The following TRAF2 variants were observed in gnomAD, a reference collection of about 807,000 sequenced individuals.
The protein encoded by TRAF2 is TNF receptor-associated factor 2.
TRAF2 carries 6 observed loss-of-function variants against 55.6 expected under a neutral mutation model. The observed-to-expected ratio is 0.11, with a 90% CI of 0.06 to 0.21. The LOEUF (loss-of-function observed/expected upper bound fraction) is 0.21, where lower values mean the gene tolerates loss of function less well. TRAF2 is among the 10% of genes least tolerant of loss of function. The probability of loss-of-function intolerance (pLI) is 1.00; values close to 1 mark genes in which losing one functional copy is unlikely to be tolerated. For synonymous variants in TRAF2, 329 were observed against 276.3 expected, an observed-to-expected ratio of 1.19 and a Z score of -1.89; for missense variants, 561 against 684.5, an observed-to-expected ratio of 0.82 and a Z score of 2.01.
Position 136,925,844 on chromosome 9 carries a change from C to G in TRAF2, c.1449C>G (p.Ser483=). 1 of 1,614,260 alleles carries G rather than the reference C, an allele frequency of 6.2e-7. No individual in the cohort carries two copies. The change falls in exon 11 of 11, where the codon TCC becomes TCG. Residue 483 remains serine, a synonymous_variant. Coordinates refer to ENST00000247668, the MANE Select transcript of TRAF2 (RefSeq NM_021138.4). The part of the protein sequence containing the change: ...CPVSKMEAKN[S]YVRDDAIFIK... ...TCTCCAAGATGGAGGCAAAGAATTC[C>G]TACGTGCGGGACGATGCCATCTTCA...
intron 4 of TRAF2, among the ~76,000 whole-genome samples, chr9:136,903,229 G>C (rs1849862605): frequency 6.6e-6 from 1 of 152,210 alleles, no homozygotes; most frequent in South Asian, 2.1e-4. Flanking sequence ...GAGATTCCTG[G>C]CATAAGCCAC....
Position 136,899,020 on chromosome 9 carries a change from G to A in TRAF2, c.188+92G>A, listed in dbSNP as rs574213179. Reference sequence around the variant, plus strand: ...CAGCCTGGTAGCTCCCAGCAGAGCCGGGTCCAGCTTAGATGTGCTCCAGTT... The same window carrying A: ...CAGCCTGGTAGCTCCCAGCAGAGCCAGGTCCAGCTTAGATGTGCTCCAGTT... On this transcript the variant is annotated intron_variant, in intron 2 of 10. Transcript: ENST00000247668. 2.9e-5 allele frequency: 39 copies of A among 1,353,180 alleles called. No homozygotes were observed. The South Asian group carries it at 4.2e-4, about 15-fold the overall frequency. The allele number at this position is 1,353,180 out of a possible 1,614,324, so 83.8% of individuals were successfully genotyped here.
Position 136,899,777 on chromosome 9 carries a change from C to T in TRAF2, c.267+105C>T, listed in dbSNP as rs551738886. On this transcript the variant is annotated intron_variant, in intron 3 of 10. Coordinates refer to ENST00000247668, the MANE Select transcript of TRAF2 (RefSeq NM_021138.4). ...CAGTGGCTCACACCTGTAATCCCAG[C>T]ACTTTGGGAGGCCCAGGTAGGGGGA... The T allele has an allele frequency of 5.4e-6, 6 of 1,113,754 alleles. No individual in the cohort carries two copies. In the East Asian group the frequency reaches 1.8e-4, roughly 34 times the overall value. 69.0% of individuals were successfully genotyped at this position (1,113,754 alleles called of 1,614,324 possible).
upstream of TRAF2, among the ~76,000 whole-genome samples, chr9:136,882,962 G>C (rs565471509): frequency 2.0e-5 from 3 of 152,222 alleles, no homozygotes; most frequent in East Asian, 5.8e-4. Flanking sequence ...CCTCCGCCTC[G>C]CAGGTTCAAG....
intron 10 of TRAF2, 119 bp downstream of exon 10, chr9:136,924,119 C>T (rs1850464479): frequency 8.0e-7 from 1 of 1,257,366 alleles, no homozygotes; most frequent in Non-Finnish European, 1.1e-6. Context: ...GACCAGGTGT[C>T]TGCAGCAGGC....
At position 136,921,161 on chromosome 9, in the gene TRAF2, G is replaced by A. The variant is rs374009362; in HGVS notation, c.1084G>A (p.Ala362Thr). The stretch of plus-strand genomic sequence containing the variant: ...CTTCATCTGGAAGATCTCAGACTTC[G>A]CCAGGAAGCGCCAGGAAGCTGTGGC... ...GVFIWKISDFARKRQEAVAGR... is the reference protein window; with the variant it reads ...GVFIWKISDFTRKRQEAVAGR... The change falls in exon 9 of 11, where the codon GCC (alanine) becomes ACC (threonine). Residue 362 changes from alanine to threonine, a missense_variant. Transcript: ENST00000247668. 53 of 1,613,928 alleles carry A rather than the reference G, an allele frequency of 3.3e-5. No homozygotes were observed. Among genetic ancestry groups the A allele is most frequent in the Middle Eastern group, 1.6e-4 (1 of 6,062 alleles).
chr9:136,907,602 A>C (rs2131305871), intron 4 of TRAF2, among the ~76,000 whole-genome samples: 1 of 151,618 alleles, frequency 6.6e-6, no homozygotes, highest in East Asian at 1.9e-4. Flanking sequence ...CGTGTTCCCT[A>C]CCTCTTCACA....
chr9:136,915,521 C>A (rs1351992375), intron 6 of TRAF2, among the ~76,000 whole-genome samples: 1 of 152,022 alleles, frequency 6.6e-6, no homozygotes, highest in Non-Finnish European at 1.5e-5. Flanking sequence ...ATTGACACAG[C>A]GTTCACGTTG....
upstream of TRAF2, among the ~76,000 whole-genome samples, chr9:136,885,673 C>A (rs1389241166): frequency 6.6e-6 from 1 of 152,048 alleles, no homozygotes; most frequent in Non-Finnish European, 1.5e-5. Context: ...GAGGCTGAGG[C>A]AGGAGAATCG....
At chr9:136,920,137 C>T (rs1417210281) in intron 7 of TRAF2, 97 bp from the exon 8 acceptor site, 1 of 1,427,398 alleles carries the variant, frequency 7.0e-7, no homozygotes, top group African/African-American at 1.4e-5. Flanking sequence ...CCTGGCCTGT[C>T]TCCTCAGCTC....
intron 7 of TRAF2, among the ~76,000 whole-genome samples, chr9:136,918,920 A>T (rs1198500445): frequency 6.6e-6 from 1 of 151,714 alleles, no homozygotes; most frequent in Non-Finnish European, 1.5e-5. Flanking sequence ...TTTTTAGTAG[A>T]GATAGGGTTT....
In TRAF2 at chr9:136,912,152, C is replaced by CTTTTTTTTTT. The variant is rs1180324647; in HGVS notation, c.603+2176_603+2185dup. ...CAGGCGTGAGCCACTGCGTCTGGCC[C>CTTTTTTTTTT]TTTTTTTTTTTTTTTTTTTTTTTTT... On this transcript the variant is annotated intron_variant, in intron 6 of 10. Coordinates refer to ENST00000247668, the MANE Select transcript of TRAF2 (RefSeq NM_021138.4). Among the ~76,000 whole-genome samples the CTTTTTTTTTT allele has an allele frequency of 2.4e-4, 14 of 58,332 alleles. 1 individual carries two copies. Among genetic ancestry groups the CTTTTTTTTTT allele is most frequent in the African/African-American group, 1.1e-3 (14 of 13,192 alleles). The allele number at this position is 58,332 out of a possible 152,430, so 38.3% of individuals were successfully genotyped here.
chr9:136,905,097 T>TG (rs1849915210), intron 4 of TRAF2, among the ~76,000 whole-genome samples: 1 of 152,162 alleles, frequency 6.6e-6, no homozygotes, highest in South Asian at 2.1e-4. Flanking sequence ...TCTCCCCTCT[T>TG]GGGGGAAGTA....
chr9:136,903,327 C>T (rs879579322), intron 4 of TRAF2, among the ~76,000 whole-genome samples: 1 of 152,172 alleles, frequency 6.6e-6, no homozygotes, highest in Non-Finnish European at 1.5e-5. Flanking sequence ...CTGAATTCCC[C>T]AGTGGGCCCC....
At chr9:136,896,285 G>A (rs567437792) in intron 1 of TRAF2, among the ~76,000 whole-genome samples, 7 of 152,350 alleles carry the variant, frequency 4.6e-5, no homozygotes, top group East Asian at 1.9e-4. Flanking sequence ...CATGGCAGGC[G>A]AGCATCAGGT....
chr9:136,901,872 C>G (rs1040696105), intron 4 of TRAF2: 1 of 152,124 alleles, frequency 6.6e-6, no homozygotes, highest in Non-Finnish European at 1.5e-5. Context: ...CCTCCCTCTT[C>G]TCCTCGCCCA....
At chr9:136,883,514 T>C (rs1010468261), upstream of TRAF2, among the ~76,000 whole-genome samples, 1 of 152,112 alleles carries the variant, frequency 6.6e-6, no homozygotes, top group Admixed American at 6.6e-5. Context: ...CTAAAACAGG[T>C]GAACCCCTTC....
upstream of TRAF2, chr9:136,886,131 G>C (rs1849440201): frequency 6.5e-6 from 1 of 152,724 alleles, no homozygotes; most frequent in Admixed American, 6.5e-5. Flanking sequence ...TCCGCCCCGG[G>C]GCCACGGGAG....
At chr9:136,924,816 T>C (rs536216501) in intron 10 of TRAF2, among the ~76,000 whole-genome samples, 22 of 152,082 alleles carry the variant, frequency 1.4e-4, no homozygotes, top group South Asian at 2.1e-4. Flanking sequence ...CTCGGCTCAC[T>C]GCAACCTCCC....
Sources: allele counts gnomAD v4.1 joint callset (sites outside exome capture counted in the v4.1 genomes callset), GRCh38; gene constraint gnomAD v4.1.1; transcripts MANE v1.5; gene names NCBI Gene and HGNC (gene_info 2026-07-23, HGNC 2026-07-21).